The following WDR19 variants were observed in gnomAD, a reference collection of about 807,000 sequenced individuals.
WDR19 encodes the protein WD repeat-containing protein 19.
Under a neutral mutation model 180.0 loss-of-function variants are expected in WDR19, and 121 were observed. The observed-to-expected ratio is 0.67, with a 90% CI of 0.58 to 0.78. The LOEUF is 0.78. WDR19 is among the 30% of genes least tolerant of loss of function. The pLI, the probability that WDR19 is intolerant of heterozygous loss-of-function variation, is 0.00. For synonymous variants in WDR19, 497 were observed against 540.7 expected (o/e 0.92, Z 1.12); for missense variants, 1,450 against 1,640.7 (o/e 0.88, Z 2.01).
chr4:39,278,884 G>C (rs1438461535), intron 36 of WDR19, among the ~76,000 whole-genome samples: 2 of 152,126 alleles, frequency 1.3e-5, no homozygotes, highest in Admixed American at 6.5e-5. Context: ...GTATGATTCT[G>C]ACTAGACCAG....
chr4:39,198,587 C>T (rs984931873), intron 5 of WDR19, among the ~76,000 whole-genome samples: 1 of 151,734 alleles, frequency 6.6e-6, no homozygotes, highest in Non-Finnish European at 1.5e-5. Context: ...ACTTTGGAGC[C>T]AGGCACGGTG....
intron 3 of WDR19, among the ~76,000 whole-genome samples, chr4:39,188,824 C>G (rs570275291): frequency 6.6e-6 from 1 of 152,056 alleles, no homozygotes; most frequent in Non-Finnish European, 1.5e-5. Flanking sequence ...AAACATGGCT[C>G]ACTGCAGCCT....
intron 32 of WDR19, 193 bp downstream of exon 32, chr4:39,273,254 C>T: frequency 1.8e-6 from 1 of 545,694 alleles, no homozygotes; most frequent in South Asian, 2.6e-5. Flanking sequence ...TTACAAGAGT[C>T]AACACACAGT....
intron 29 of WDR19, 141 bp downstream of exon 29, chr4:39,266,281 C>T (rs920201870): frequency 6.9e-6 from 4 of 576,978 alleles, no homozygotes; most frequent in African/African-American, 6.4e-5. Flanking sequence ...AGACCAGGAG[C>T]GTCCAATCTT....
intron 20 of WDR19, among the ~76,000 whole-genome samples, chr4:39,239,607 C>T (rs1731706638): frequency 6.6e-6 from 1 of 152,102 alleles, no homozygotes; most frequent in African/African-American, 2.4e-5. Context: ...GTACAGCAAA[C>T]CACCATGGCA....
chr4:39,262,695 C>T (rs1334454764), intron 28 of WDR19, among the ~76,000 whole-genome samples: 1 of 152,128 alleles, frequency 6.6e-6, no homozygotes, highest in Non-Finnish European at 1.5e-5. Flanking sequence ...GATGAAATTT[C>T]ACCCTCCCTA....
intron 24 of WDR19, 72 bp from the exon 25 acceptor site, chr4:39,253,074 T>C (rs1733400888): frequency 2.1e-6 from 3 of 1,458,822 alleles, no homozygotes; most frequent in Admixed American, 2.4e-5. Context: ...AAAAGTGTCC[T>C]AAACATTTAT....
chr4:39,185,646 A>T, intron 1 of WDR19, 80 bp from the exon 2 acceptor site: 1 of 1,318,100 alleles, frequency 7.6e-7, no homozygotes, highest in Admixed American at 2.0e-5. Context: ...CATGGTTTTC[A>T]TGACCATGTT....
At chr4:39,239,518 C>T (rs1731699696) in intron 20 of WDR19, among the ~76,000 whole-genome samples, 1 of 151,758 alleles carries the variant, frequency 6.6e-6, no homozygotes, top group East Asian at 1.9e-4. Context: ...CAAAAGTAGC[C>T]AATAAAATTA....
Position 39,236,165 on chromosome 4 carries a change from C to G in WDR19, c.2363+1290C>G, listed in dbSNP as rs144325986. Among the ~76,000 whole-genome samples, 73 of 152,138 alleles carry G rather than the reference C, an allele frequency of 4.8e-4. 2 individuals are homozygous for G. The highest frequency in any genetic ancestry group is 1.7e-3 in the African/African-American group (69 of 41,486). ...CCCAAAGGGAAAGAAATCATTATAT[C>G]AAAAAGATACCTGCATTCGTATGTT... On this transcript the variant is annotated intron_variant, in intron 20 of 36. Coordinates refer to ENST00000399820, the MANE Select transcript of WDR19 (RefSeq NM_025132.4).
chr4:39,203,607 G>T (rs73133651), intron 6 of WDR19, 35 bp from the exon 7 acceptor site: 2 of 1,531,586 alleles, frequency 1.3e-6, no homozygotes, highest in Non-Finnish European at 1.8e-6. Context: ...TAAATATTGG[G>T]TTTGTTCATA....
chr4:39,284,645 TAAAAAA>T lies in WDR19; in HGVS notation c.*14-825_*14-820del, dbSNP rs144371093. Among the ~76,000 whole-genome samples the T allele has an allele frequency of 4.5e-5, 6 of 132,166 alleles. No homozygotes were observed. In the South Asian group the frequency reaches 7.9e-4, roughly 17 times the overall value. The allele number at this position is 132,166 out of a possible 152,430, so 86.7% of individuals were successfully genotyped here. A position where few individuals can be genotyped will look rare whatever the true frequency, so the allele number is the denominator to read the frequency against. The stretch of plus-strand genomic sequence containing the variant: ...CTGTGAACCACCATTCCTGGCTTTC[TAAAAAA>T]AAAAAAAAAAAAAAAATTCAGATTT... On this transcript the variant is annotated intron_variant, in intron 36 of 36. Coordinates refer to ENST00000399820, the MANE Select transcript of WDR19 (RefSeq NM_025132.4).
At chr4:39,186,215 C>G (rs981585289) in intron 2 of WDR19, among the ~76,000 whole-genome samples, 1 of 152,108 alleles carries the variant, frequency 6.6e-6, no homozygotes, top group Non-Finnish European at 1.5e-5. Flanking sequence ...TGCAGTGGCT[C>G]ATGCCAATAA....
At chr4:39,204,784 A>G (rs1254672806) in intron 7 of WDR19, among the ~76,000 whole-genome samples, 1 of 152,246 alleles carries the variant, frequency 6.6e-6, no homozygotes, top group Non-Finnish European at 1.5e-5. Flanking sequence ...GCTCAAGAGC[A>G]GAACAGCCTC....
Position 39,266,115 on chromosome 4 carries a change from TG to T in WDR19, c.3241del (p.Glu1081ArgfsTer19). Reference protein sequence around the residue: ...LLTNQLIDHLLGENDGMPKDA... With the variant: ...LLTNQLIDHLXGENDGMPKDA... ...ACCAATCAGCTGATAGACCATCTCC[TG>T]GGGGAGAACGATGGCATGCCTAAGG... On this transcript the variant is annotated frameshift_variant, in exon 29 of 37. Coordinates refer to ENST00000399820, the MANE Select transcript of WDR19 (RefSeq NM_025132.4). LOFTEE classifies it high-confidence loss of function. The T allele has an allele frequency of 1.3e-6, 2 of 1,563,700 alleles. No individual in the cohort carries two copies. Among genetic ancestry groups the T allele is most frequent in the Non-Finnish European group, 1.7e-6 (2 of 1,153,508 alleles).
chr4:39,200,889 T>C (rs1482172298), intron 6 of WDR19, among the ~76,000 whole-genome samples: 1 of 152,214 alleles, frequency 6.6e-6, no homozygotes, highest in Non-Finnish European at 1.5e-5. Flanking sequence ...TATTGATTAA[T>C]TGCCATATTT....
chr4:39,261,141 G>C (rs1734251483), intron 28 of WDR19, among the ~76,000 whole-genome samples: 1 of 123,018 alleles, frequency 8.1e-6, no homozygotes, highest in South Asian at 3.6e-4. Context: ...ACCACACGCG[G>C]CTATTTTTTT....
intron 24 of WDR19, among the ~76,000 whole-genome samples, chr4:39,250,465 C>T (rs1733041863): frequency 6.6e-6 from 1 of 152,168 alleles, no homozygotes; most frequent in Admixed American, 6.6e-5. Flanking sequence ...GATGCCCTCT[C>T]TCACCACTCC....
At chr4:39,188,843 CG>C (rs1439467683) in intron 3 of WDR19, among the ~76,000 whole-genome samples, 1 of 151,998 alleles carries the variant, frequency 6.6e-6, no homozygotes, top group Non-Finnish European at 1.5e-5. Context: ...CTTTACCTCC[CG>C]GGCTCAAGTA....
Sources: gnomAD v4.1 joint callset for allele counts (sites outside exome capture counted in the v4.1 genomes callset) on GRCh38, gnomAD v4.1.1 for gene constraint, MANE v1.5 for transcripts, NCBI Gene and HGNC (gene_info 2026-07-23, HGNC 2026-07-21) for gene names.